Variants in CFAP53 observed in about 807,000 individuals in gnomAD.
CFAP53 encodes cilia and flagella associated protein 53, also known as cilia- and flagella-associated protein 53.
CFAP53 carries 62 observed loss-of-function variants against 59.7 expected under a neutral mutation model. The ratio of observed to expected loss-of-function variants is 1.04; its 90% CI spans 0.85 to 1.28. CFAP53 has a LOEUF of 1.28. CFAP53 is among the 50% of genes most tolerant of loss of function. CFAP53 has a pLI of 0.00. For synonymous variants in CFAP53, 218 were observed against 205.7 expected (o/e 1.06, Z -0.51); for missense variants, 629 against 615.6 (o/e 1.02, Z -0.23).
At chr18:50,238,544 G>T in intron 7 of CFAP53, 59 bp downstream of exon 7, 1 of 1,182,396 alleles carries the variant, frequency 8.5e-7, no homozygotes, top group Non-Finnish European at 1.2e-6. Context: ...GAGCCACCAT[G>T]GCTAGCCAAA....
Position 50,238,697 on chromosome 18 carries a change from C to T in CFAP53, c.1222G>A (p.Glu408Lys), listed in dbSNP as rs1342385879. ...KLQVQEKLQR[E>K]AKEQEERAME... ...GCACGTTCTTCCTGTTCTTTAGCTT[C>T]TCGTTGCACTAAGAAAAGCAAAAGT... Residue 408 changes from glutamate to lysine, a missense_variant, in exon 7 of 8, where the codon GAA becomes AAA. Glu to Lys is a moderately conservative substitution (Grantham distance 56). Coordinates refer to ENST00000398545, the MANE Select transcript of CFAP53 (RefSeq NM_145020.5). The T allele has an allele frequency of 2.5e-6, 4 of 1,608,980 alleles. No homozygotes were observed. The highest frequency in any genetic ancestry group is 3.4e-6 in the Non-Finnish European group (4 of 1,177,810).
intron 5 of CFAP53, among the ~76,000 whole-genome samples, chr18:50,243,870 T>C (rs1487462182): frequency 6.6e-6 from 1 of 151,316 alleles, no homozygotes; most frequent in Non-Finnish European, 1.5e-5. Context: ...GAGAATGGCG[T>C]GAACCCAGGA....
chr18:50,239,049 T>C (rs2033663596), intron 6 of CFAP53, among the ~76,000 whole-genome samples: 1 of 147,462 alleles, frequency 6.8e-6, no homozygotes, highest in South Asian at 2.1e-4. Flanking sequence ...ATAAATAATT[T>C]ATTATTTATT....
At position 50,266,356 on chromosome 18, in the gene CFAP53, T is replaced by A. The variant is rs568185987; in HGVS notation, c.49A>T (p.Thr17Ser). 7 of 1,614,194 alleles carry A rather than the reference T, an allele frequency of 4.3e-6. No individual in the cohort carries two copies. The African/African-American group carries it at 5.3e-5, about 12-fold the overall frequency. Residue 17 changes from threonine to serine, a missense_variant, in exon 1 of 8, where the codon ACC (threonine) becomes TCC (serine). Transcript: ENST00000398545. Reference protein sequence around the residue: ...GTVQREVKGPTPKVVIVRSKP... With the variant: ...GTVQREVKGPSPKVVIVRSKP... ...CTTACCACGATCACCACTTTGGGGGTGGGGCCCTTAACCTCCCGCTGTACG... is the reference window on the plus strand; with the variant it reads ...CTTACCACGATCACCACTTTGGGGGAGGGGCCCTTAACCTCCCGCTGTACG...
intron 5 of CFAP53, among the ~76,000 whole-genome samples, chr18:50,244,276 A>G (rs2033721309): frequency 6.6e-6 from 1 of 152,130 alleles, no homozygotes; most frequent in African/African-American, 2.4e-5. Context: ...TGATTGGGTC[A>G]TGGGGGTAGT....
At chr18:50,237,849 A>G (rs757745333) in intron 7 of CFAP53, among the ~76,000 whole-genome samples, 5 of 152,194 alleles carry the variant, frequency 3.3e-5, no homozygotes, top group Non-Finnish European at 5.9e-5. Flanking sequence ...GTTCTAGTGC[A>G]GTAAGGCTAA....
At chr18:50,243,352 A>G (rs1247467752) in intron 5 of CFAP53, among the ~76,000 whole-genome samples, 6 of 152,216 alleles carry the variant, frequency 3.9e-5, no homozygotes, top group Non-Finnish European at 8.8e-5. Context: ...AAGTGAGGTG[A>G]TGGACACGTG....
chr18:50,227,303 G>T lies in CFAP53; in HGVS notation c.*78C>A. 1 of 1,117,734 alleles carries T rather than the reference G, an allele frequency of 8.9e-7. No individual in the cohort carries two copies. The highest frequency in any genetic ancestry group is 1.3e-6 in the Non-Finnish European group (1 of 773,758). 69.2% of individuals were successfully genotyped at this position (1,117,734 alleles called of 1,614,324 possible). On this transcript the variant is annotated 3_prime_UTR_variant, in exon 8 of 8. Coordinates refer to ENST00000398545, the MANE Select transcript of CFAP53 (RefSeq NM_145020.5). The stretch of plus-strand genomic sequence containing the variant: ...AGGGAAAAAAGAAAAGTTTATCCAG[G>T]AGTTAAAAGAAGCATACAAGCATAC...
intron 5 of CFAP53, among the ~76,000 whole-genome samples, chr18:50,250,142 C>A (rs921617690): frequency 6.6e-6 from 1 of 151,092 alleles, no homozygotes; most frequent in Non-Finnish European, 1.5e-5. Context: ...TTGCTTGAGC[C>A]CAGGAGGGCG....
intron 4 of CFAP53, 82 bp from the exon 5 acceptor site, chr18:50,251,058 T>C: frequency 8.6e-7 from 1 of 1,168,414 alleles, no homozygotes; most frequent in Non-Finnish European, 1.3e-6. Flanking sequence ...GAGATGGGAA[T>C]AAAGGATTTC....
chr18:50,231,928 C>A (rs1294906747), intron 7 of CFAP53, among the ~76,000 whole-genome samples: 1 of 152,132 alleles, frequency 6.6e-6, no homozygotes, highest in Non-Finnish European at 1.5e-5. Flanking sequence ...CCTTACCCAC[C>A]CCCTCTCCTG....
At chr18:50,231,741 C>T (rs569514043) in intron 7 of CFAP53, among the ~76,000 whole-genome samples, 1 of 152,214 alleles carries the variant, frequency 6.6e-6, no homozygotes, top group Non-Finnish European at 1.5e-5. Context: ...TCAGAAGTCC[C>T]TAATCCCTAC....
intron 3 of CFAP53, among the ~76,000 whole-genome samples, chr18:50,260,533 C>T (rs1212865056): frequency 1.3e-5 from 2 of 152,110 alleles, no homozygotes; most frequent in African/African-American, 2.4e-5. Context: ...GGCACAGTGG[C>T]GCGTGCCTAT....
At chr18:50,229,180 A>G (rs1490107707) in intron 7 of CFAP53, among the ~76,000 whole-genome samples, 2 of 152,184 alleles carry the variant, frequency 1.3e-5, no homozygotes, top group Non-Finnish European at 2.9e-5. Context: ...AAGTCTCCAT[A>G]TTGCTGTAAA....
chr18:50,229,505 C>T (rs2033558881), intron 7 of CFAP53, among the ~76,000 whole-genome samples: 1 of 152,114 alleles, frequency 6.6e-6, no homozygotes. Flanking sequence ...CCTTGGGTTG[C>T]TTCTACCTCT....
intron 7 of CFAP53, among the ~76,000 whole-genome samples, chr18:50,233,580 CT>C (rs1183440522): frequency 6.6e-6 from 1 of 152,198 alleles, no homozygotes; most frequent in African/African-American, 2.4e-5. Flanking sequence ...TTCTCATATT[CT>C]TTACAGCCCT....
At chr18:50,239,442 T>G (rs1016576639) in intron 6 of CFAP53, among the ~76,000 whole-genome samples, 7 of 152,160 alleles carry the variant, frequency 4.6e-5, no homozygotes, top group Admixed American at 4.6e-4. Context: ...GAAACAGAGT[T>G]TACAAAATAA....
At chr18:50,265,171 T>G (rs995002673) in intron 1 of CFAP53, among the ~76,000 whole-genome samples, 7 of 152,214 alleles carry the variant, frequency 4.6e-5, no homozygotes, top group African/African-American at 1.7e-4. Context: ...TGAGCACCCC[T>G]AATTTGAAAA....
chr18:50,265,528 G>A (rs1361314014), intron 1 of CFAP53, among the ~76,000 whole-genome samples: 1 of 152,184 alleles, frequency 6.6e-6, no homozygotes, highest in Non-Finnish European at 1.5e-5. Flanking sequence ...GGAGGGCTCA[G>A]GCTTCAATAA....
Sources: gnomAD v4.1 joint callset for allele counts (sites outside exome capture counted in the v4.1 genomes callset) on GRCh38, gnomAD v4.1.1 for gene constraint, MANE v1.5 for transcripts, NCBI Gene and HGNC (gene_info 2026-07-23, HGNC 2026-07-21) for gene names.